Variants in UTRN observed in about 807,000 individuals in gnomAD.
UTRN encodes dystrophin-related protein 1.
In UTRN, 283 loss-of-function variants were observed where a neutral mutation model predicts 463.9. The ratio of observed to expected loss-of-function variants is 0.61; its 90% CI spans 0.55 to 0.67. The LOEUF is 0.67. Among genes scored for constraint, UTRN ranks in the 30% least tolerant of loss-of-function variants. The pLI, the probability that UTRN is intolerant of heterozygous loss-of-function variation, is 0.00. For missense variants in UTRN, 3,922 were observed against 4,084.3 expected, an observed-to-expected ratio of 0.96 and a Z score of 1.08; for synonymous variants, 1,442 against 1,431.5, an observed-to-expected ratio of 1.01 and a Z score of -0.17.
chr6:144,508,612 A>G (rs1794903241), intron 34 of UTRN, among the ~76,000 whole-genome samples: 1 of 152,176 alleles, frequency 6.6e-6, no homozygotes, highest in African/African-American at 2.4e-5. Context: ...TTGGAAATGC[A>G]GAAATCACCT....
At chr6:144,699,466 G>T (rs1784350107) in intron 52 of UTRN, among the ~76,000 whole-genome samples, 2 of 101,652 alleles carry the variant, frequency 2.0e-5, no homozygotes, top group Non-Finnish European at 1.9e-5. Context: ...ATAATAATTA[G>T]TCAGTGGTTT....
intron 3 of UTRN, among the ~76,000 whole-genome samples, chr6:144,412,762 T>TACACACACACACACACACAC (rs149751810): frequency 6.9e-6 from 1 of 144,272 alleles, no homozygotes; most frequent in African/African-American, 2.6e-5. Context: ...ACACACACCA[T>TACACACACACACACACACAC]ACACACACAC....
intron 7 of UTRN, among the ~76,000 whole-genome samples, chr6:144,428,158 G>T (rs545402944): frequency 2.0e-5 from 3 of 152,208 alleles, no homozygotes; most frequent in South Asian, 4.1e-4. Context: ...CAATTTGTGA[G>T]ATTAAAAGAA....
At chr6:144,825,165 G>GGCT (rs1780069012) in intron 66 of UTRN, among the ~76,000 whole-genome samples, 1 of 152,084 alleles carries the variant, frequency 6.6e-6, no homozygotes, top group South Asian at 2.1e-4. Flanking sequence ...AAGCTACCGA[G>GGCT]GCTGGCCTGG....
In UTRN at chr6:144,820,878, A is replaced by G. The variant is rs1779543280; in HGVS notation, c.9358-4A>G. Reference sequence around the variant, plus strand: ...GAGAAGTGTAATTGTTTTCAACCTTATAGACAACATCTGGGGAAGATGTAC... The same window carrying G: ...GAGAAGTGTAATTGTTTTCAACCTTGTAGACAACATCTGGGGAAGATGTAC... On this transcript the variant is annotated splice_polypyrimidine_tract_variant and splice_region_variant and intron_variant, in intron 65 of 74. Transcript: ENST00000367545. The G allele has an allele frequency of 1.9e-6, 3 of 1,612,366 alleles. No homozygotes were observed.
At chr6:144,687,008 T>A (rs545362971) in intron 52 of UTRN, among the ~76,000 whole-genome samples, 18 of 152,268 alleles carry the variant, frequency 1.2e-4, no homozygotes, top group African/African-American at 4.1e-4. Flanking sequence ...AAGGTTCTGT[T>A]CTGGGGCATA....
intron 25 of UTRN, among the ~76,000 whole-genome samples, chr6:144,476,322 A>G (rs1280942745): frequency 2.0e-5 from 3 of 151,858 alleles, no homozygotes; most frequent in Admixed American, 2.0e-4. Flanking sequence ...AATTCTTATA[A>G]GGTTACTGCA....
chr6:144,850,970 C>CTAT lies in UTRN; in HGVS notation c.10294-17_10294-15dup, dbSNP rs769835061. The CTAT allele has an allele frequency of 9.5e-5, 154 of 1,613,540 alleles. 1 individual carries two copies. In the South Asian group the frequency reaches 1.6e-3, roughly 17 times the overall value. Reference sequence around the variant, plus strand: ...TGTTTTGTGCAAATTTCTGACAGTGCTATTTTCCCTTCCCATAGGCAATGT... The same window carrying CTAT: ...TGTTTTGTGCAAATTTCTGACAGTGCTATTATTTTCCCTTCCCATAGGCAATGT... On this transcript the variant is annotated intron_variant, in intron 74 of 74. Transcript: ENST00000367545.
At chr6:144,658,549 C>G (rs1229059957) in intron 51 of UTRN, among the ~76,000 whole-genome samples, 1 of 152,168 alleles carries the variant, frequency 6.6e-6, no homozygotes, top group African/African-American at 2.4e-5. Flanking sequence ...GTTCCCCCCC[C>G]CACTTTGGTC....
chr6:144,294,657 GA>G (rs1474475075), intron 2 of UTRN, among the ~76,000 whole-genome samples: 1 of 151,996 alleles, frequency 6.6e-6, no homozygotes, highest in Admixed American at 6.6e-5. Flanking sequence ...CCAAATCCTC[GA>G]GTTTGGACAA....
Position 144,426,277 on chromosome 6 carries a change from T to C in UTRN, c.406-10T>C, listed in dbSNP as rs1170448285. 1.2e-6 allele frequency: 2 copies of C among 1,610,698 alleles called. No individual in the cohort carries two copies. The highest frequency in any genetic ancestry group is 2.7e-5 in the African/African-American group (2 of 74,856). ...ATTAGTTATGGACAGGCCTGGTTTC[T>C]CTTACATAGGTGAAAGATGTCATGA... On this transcript the variant is annotated splice_polypyrimidine_tract_variant and intron_variant, in intron 6 of 74. Coordinates refer to ENST00000367545, the MANE Select transcript of UTRN (RefSeq NM_007124.3).
At chr6:144,349,477 T>G (rs1777918913) in intron 2 of UTRN, among the ~76,000 whole-genome samples, 1 of 152,204 alleles carries the variant, frequency 6.6e-6, no homozygotes, top group East Asian at 1.9e-4. Flanking sequence ...TCAGGATTCA[T>G]GATGTTACAC....
intron 51 of UTRN, among the ~76,000 whole-genome samples, chr6:144,591,987 C>G (rs745376044): frequency 2.6e-5 from 4 of 152,112 alleles, no homozygotes; most frequent in Non-Finnish European, 4.4e-5. Context: ...TGCACCTACC[C>G]TGGCATCCTG....
rs181075393 is a variant in UTRN, at chr6:144,371,309, C to A, written c.80-31814C>A. On this transcript the variant is annotated intron_variant, in intron 2 of 74. Transcript: ENST00000367545. ...CCTTTCCATGCCAGTATTAGTAGAT[C>A]TAGCATGCTTTTTTAAATCCCCCTA... Among the ~76,000 whole-genome samples, 413 of 152,292 alleles carry A rather than the reference C, an allele frequency of 2.7e-3. 2 individuals carry two copies. The highest frequency in any genetic ancestry group is 8.9e-3 in the African/African-American group (371 of 41,550).
At chr6:144,414,442 A>ATG (rs1300390035) in intron 3 of UTRN, among the ~76,000 whole-genome samples, 2 of 152,238 alleles carry the variant, frequency 1.3e-5, no homozygotes, top group Non-Finnish European at 2.9e-5. Context: ...TCTTGCACAG[A>ATG]TGTGTGATGT....
chr6:144,577,223 G>T lies in UTRN; in HGVS notation c.7414G>T (p.Ala2472Ser). 1 of 1,613,992 alleles carries T rather than the reference G, an allele frequency of 6.2e-7. No homozygotes were observed. Among genetic ancestry groups the T allele is most frequent in the Non-Finnish European group, 8.5e-7 (1 of 1,179,930 alleles). ...GACCACAGTGAATGTGCTTGTGGATGCCTCTCATCGGGAGAATGCTCTTCA... is the reference window on the plus strand; with the variant it reads ...GACCACAGTGAATGTGCTTGTGGATTCCTCTCATCGGGAGAATGCTCTTCA... ...AETTVNVLVD[A>S]SHRENALQDS... The change falls in exon 51 of 75, where the codon GCC becomes TCC. Residue 2472 changes from alanine (A) to serine (S), a missense_variant. Around this residue, in one of 3 missense-constraint regions of UTRN, gnomAD observed 1,309 missense variants for 1,452.6 expected, o/e 0.90. Coordinates refer to ENST00000367545, the MANE Select transcript of UTRN (RefSeq NM_007124.3).
In UTRN at chr6:144,715,532, C is replaced by T. The variant is rs527473303; in HGVS notation, c.7810-14825C>T. Among the ~76,000 whole-genome samples, 27 of 152,260 alleles carry T rather than the reference C, an allele frequency of 1.8e-4. 1 individual carries two copies. The South Asian group carries it at 5.4e-3, about 30-fold the overall frequency. On this transcript the variant is annotated intron_variant, in intron 53 of 74. Transcript: ENST00000367545. ...CTCATTTCCTCTCTTGCTGTTTTTT[C>T]TCTGACACACTGGTTTCGGCCACAC... is the stretch of plus-strand genomic sequence containing the variant.
rs542936023 is a variant in UTRN, at chr6:144,797,637, T to C, written c.9079-187T>C. 3 of 514,366 alleles carry C rather than the reference T, an allele frequency of 5.8e-6. 1 individual carries two copies. Among genetic ancestry groups the C allele is most frequent in the Middle Eastern group, 1.0e-3 (2 of 1,916 alleles). The allele number at this position is 514,366 out of a possible 1,614,324, so 31.9% of individuals were successfully genotyped here. On this transcript the variant is annotated intron_variant, in intron 63 of 74. Coordinates refer to ENST00000367545, the MANE Select transcript of UTRN (RefSeq NM_007124.3). ...CTTCCTATGTGACAATTTCTGCTTT[T>C]TCTACTCATAAGTTCTAGAATTTTC...
chr6:144,498,095 T>C (rs1793831238), intron 33 of UTRN, among the ~76,000 whole-genome samples: 1 of 152,222 alleles, frequency 6.6e-6, no homozygotes, highest in African/African-American at 2.4e-5. Flanking sequence ...TTGGATATTT[T>C]GAAAGTTAAA....
Sources: gnomAD v4.1 joint callset for allele counts (sites outside exome capture counted in the v4.1 genomes callset) on GRCh38, gnomAD v4.1.1 for gene constraint, gnomAD v4.1.1 regional missense constraint, MANE v1.5 for transcripts, NCBI Gene and HGNC (gene_info 2026-07-23, HGNC 2026-07-21) for gene names.